GLI2: variants seen among roughly 807,000 people sequenced by gnomAD.
GLI2 encodes transcription activator GLI2.
GLI2 carries 22 observed loss-of-function variants against 78.9 expected under a neutral mutation model. The observed-to-expected ratio is 0.28, with a 90% CI of 0.20 to 0.40. The LOEUF is 0.40. Among genes scored for constraint, GLI2 ranks in the 10% least tolerant of loss-of-function variants. The probability of loss-of-function intolerance (pLI) is 1.00; values close to 1 mark genes in which losing one functional copy is unlikely to be tolerated. For missense variants in GLI2, 2,097 were observed against 2,213.2 expected (o/e 0.95, Z 1.05); for synonymous variants, 974 against 963.7 (o/e 1.01, Z -0.20).
chr2:120,833,243 G>A (rs897558495), intron 2 of GLI2, among the ~76,000 whole-genome samples: 4 of 151,796 alleles, frequency 2.6e-5, no homozygotes, highest in African/African-American at 9.7e-5. Context: ...TGCCTGTTGC[G>A]GATTCTCAGG....
chr2:120,978,328 CG>C, intron 9 of GLI2, 105 bp from the exon 10 acceptor site: 3 of 1,177,876 alleles, frequency 2.5e-6, no homozygotes, highest in Non-Finnish European at 2.5e-6. Context: ...GCACACAGGT[CG>C]GGGAGGGCTG....
rs372206751 is a variant in GLI2, at chr2:120,986,580, G to A, written c.2208G>A (p.Thr736=). ...CATGGGCCGGGCCGACTCCACACAC[G>A]CGGAACACCAAGCTGCCTCCCCTCC... ...SCSWAGPTPH[T]RNTKLPPLPG... is the part of the protein sequence containing the mutation. Residue 736 remains threonine, a synonymous_variant, in exon 13 of 14, where the codon ACG becomes ACA. Transcript: ENST00000361492. The A allele has an allele frequency of 5.0e-5, 80 of 1,614,072 alleles. No homozygotes were observed. The Middle Eastern group carries it at 1.7e-3, about 33-fold the overall frequency.
intron 2 of GLI2, among the ~76,000 whole-genome samples, chr2:120,853,702 C>T (rs1215512729): frequency 2.6e-5 from 4 of 152,208 alleles, no homozygotes; most frequent in African/African-American, 4.8e-5. Flanking sequence ...AGGAGAAAGA[C>T]GCACATGGTT....
At chr2:120,922,078 C>T (rs1679404787) in intron 2 of GLI2, among the ~76,000 whole-genome samples, 1 of 152,236 alleles carries the variant, frequency 6.6e-6, no homozygotes, top group African/African-American at 2.4e-5. Context: ...GACTTGTCCA[C>T]CACCTGTCTC....
intron 2 of GLI2, among the ~76,000 whole-genome samples, chr2:120,820,434 T>C (rs989603448): frequency 5.3e-5 from 8 of 152,254 alleles, no homozygotes; most frequent in East Asian, 1.9e-4. Flanking sequence ...AGTTCCCCCC[T>C]CTCCAGGCAG....
chr2:120,986,337 C>T lies in GLI2; in HGVS notation c.1965C>T (p.Gly655=), dbSNP rs1241716342. 4.3e-6 allele frequency: 7 copies of T among 1,613,518 alleles called. No homozygotes were observed. The highest frequency in any genetic ancestry group is 5.9e-6 in the Non-Finnish European group (7 of 1,180,034). The change falls in exon 13 of 14, where the codon GGC becomes GGT. Residue 655 remains glycine, a synonymous_variant. Transcript: ENST00000361492. The stretch of plus-strand genomic sequence containing the variant: ...GCAGCAGCGAGCCCTCTCCTCTGGG[C>T]AGTGCCCCCAACAATGACAGTGGCG... ...SSCSSEPSPL[G]SAPNNDSGVE...
At position 120,796,501 on chromosome 2, in the gene GLI2, C is replaced by A. The variant is rs544436137; in HGVS notation, c.-30-790C>A. Among the ~76,000 whole-genome samples the A allele has an allele frequency of 1.4e-4, 21 of 152,332 alleles. No individual in the cohort carries two copies. In the East Asian group the frequency reaches 3.9e-3, roughly 28 times the overall value. On this transcript the variant is annotated intron_variant, in intron 1 of 13. Coordinates refer to ENST00000361492, the MANE Select transcript of GLI2 (RefSeq NM_001374353.1). Reference sequence around the variant, plus strand: ...CTACTCAAAGAAGCCAGCCTCCTCCCACAAGGCCCCTGGCTCCTGGCTTTG... The same window carrying A: ...CTACTCAAAGAAGCCAGCCTCCTCCAACAAGGCCCCTGGCTCCTGGCTTTG...
intron 5 of GLI2, among the ~76,000 whole-genome samples, chr2:120,962,817 G>A (rs1481805393): frequency 9.9e-5 from 15 of 152,230 alleles, no homozygotes; most frequent in Admixed American, 7.2e-4. Flanking sequence ...AGGGGCACAT[G>A]AGAGGGTGGG....
At chr2:120,938,080 A>G (rs1227122093) in intron 3 of GLI2, among the ~76,000 whole-genome samples, 1 of 152,224 alleles carries the variant, frequency 6.6e-6, no homozygotes, top group Non-Finnish European at 1.5e-5. Flanking sequence ...AGCAGTGCTC[A>G]GCCCATGGCA....
chr2:120,747,300 C>A (rs758589026), intron 1 of GLI2, among the ~76,000 whole-genome samples: 9 of 152,310 alleles, frequency 5.9e-5, no homozygotes, highest in Admixed American at 5.9e-4. Context: ...CATGCTCAGA[C>A]ACACACAAGC....
intron 1 of GLI2, among the ~76,000 whole-genome samples, chr2:120,738,728 G>A (rs747378537): frequency 5.3e-5 from 8 of 152,206 alleles, no homozygotes; most frequent in Non-Finnish European, 1.0e-4. Flanking sequence ...AGCCACCGAG[G>A]AACAAGGTAA....
chr2:120,847,763 G>A (rs1201530407), intron 2 of GLI2, among the ~76,000 whole-genome samples: 2 of 151,620 alleles, frequency 1.3e-5, no homozygotes, highest in African/African-American at 4.9e-5. Flanking sequence ...GGCAGGGGCG[G>A]GGGGGCGGTG....
rs531891558 is a variant in GLI2, at chr2:120,986,295, C to T, written c.1923C>T (p.Pro641=). 56 of 1,613,126 alleles carry T rather than the reference C, an allele frequency of 3.5e-5. No homozygotes were observed. Among genetic ancestry groups the T allele is most frequent in the Admixed American group, 1.7e-4 (10 of 60,026 alleles). ...TESSGLCQSS[P]GAQSSCSSEP... ...CCCTGCAGCTGTGTCAGTCCAGCCC[C>T]GGGGCCCAGTCGTCCTGCAGCAGCG... Residue 641 remains proline (P), a synonymous_variant, in exon 13 of 14, where the codon CCC becomes CCT. Transcript: ENST00000361492.
intron 2 of GLI2, among the ~76,000 whole-genome samples, chr2:120,893,098 G>A (rs1222799765): frequency 6.6e-6 from 1 of 152,234 alleles, no homozygotes; most frequent in Non-Finnish European, 1.5e-5. Flanking sequence ...TTTGACTAAG[G>A]CATCTTGCCA....
At chr2:120,969,414 G>C (rs1358030653) in intron 6 of GLI2, among the ~76,000 whole-genome samples, 2 of 152,200 alleles carry the variant, frequency 1.3e-5, no homozygotes, top group African/African-American at 4.8e-5. Flanking sequence ...CAGCCAGCTT[G>C]ACTGAAACTC....
At position 120,905,213 on chromosome 2, in the gene GLI2, AAGGG is replaced by A. The variant is rs1678464371; in HGVS notation, c.149-22137_149-22134del. ...GGGGCTCTCAGTTCCTGCAAAGAAG[AAGGG>A]AGGGAGGGAGAGAAGGAGGAGGGGA... On this transcript the variant is annotated intron_variant, in intron 2 of 13. Transcript: ENST00000361492. 3.3e-5 allele frequency among the ~76,000 whole-genome samples: 5 copies of A among 152,096 alleles called. No homozygotes were observed. The South Asian group carries it at 1.0e-3, about 32-fold the overall frequency.
intron 2 of GLI2, among the ~76,000 whole-genome samples, chr2:120,831,409 G>A (rs1686354915): frequency 6.6e-6 from 1 of 152,222 alleles, no homozygotes; most frequent in South Asian, 2.1e-4. Context: ...ACAGTGTGGG[G>A]ACAGGTTGTC....
chr2:120,841,991 A>T (rs112010488), intron 2 of GLI2, among the ~76,000 whole-genome samples: 3,125 of 150,872 alleles, frequency 0.021, 110 homozygotes, highest in African/African-American at 0.07. Context: ...AGTTTTTTTT[A>T]AAATTTTATT....
At chr2:120,949,196 C>T (rs1233184029) in intron 3 of GLI2, among the ~76,000 whole-genome samples, 1 of 152,238 alleles carries the variant, frequency 6.6e-6, no homozygotes, top group Non-Finnish European at 1.5e-5. Context: ...CATAGCAGCC[C>T]CCGCCTAGGC....
Sources: gnomAD v4.1 joint callset for allele counts (sites outside exome capture counted in the v4.1 genomes callset) on GRCh38, gnomAD v4.1.1 for gene constraint, MANE v1.5 for transcripts, NCBI Gene and HGNC (gene_info 2026-07-23, HGNC 2026-07-21) for gene names.